SRSF1: variants seen among roughly 807,000 people sequenced by gnomAD.
The protein encoded by SRSF1 is serine and arginine rich splicing factor 1.
In SRSF1, 1 loss-of-function variant was observed where a neutral mutation model predicts 25.9. The ratio of observed to expected loss-of-function variants is 0.04; its 90% CI spans 0.01 to 0.18. The LOEUF (loss-of-function observed/expected upper bound fraction) is 0.18, where lower values mean the gene tolerates loss of function less well. Ranked by LOEUF, SRSF1 falls within the 10% of genes least tolerant of loss-of-function variation. The pLI, the probability that SRSF1 is intolerant of heterozygous loss-of-function variation, is 1.00. For missense variants in SRSF1, 65 were observed against 350.5 expected, an observed-to-expected ratio of 0.19 and a Z score of 6.50; for synonymous variants, 132 against 126.2, an observed-to-expected ratio of 1.05 and a Z score of -0.31.
intron 1 of SRSF1, 53 bp from the exon 2 acceptor site, chr17:58,006,580 GC>G: frequency 6.5e-7 from 1 of 1,536,182 alleles, no homozygotes. Context: ...GGAGAAGCTC[GC>G]TCAGTTGGGA....
At chr17:57,993,470 T>C in the SRSF1 span, 1 of 151,218 alleles carries the variant, frequency 6.6e-6, no homozygotes, top group Non-Finnish European at 1.5e-5. Context: ...CCTGCTGCGC[T>C]GGTTATTAAA....
At chr17:57,998,205 G>C (rs2075372335), downstream of SRSF1, among the ~76,000 whole-genome samples, 1 of 152,100 alleles carries the variant, frequency 6.6e-6, no homozygotes, top group Non-Finnish European at 1.5e-5. Flanking sequence ...GTGAGACCCT[G>C]TGTCAAAAAC....
downstream of SRSF1, among the ~76,000 whole-genome samples, chr17:57,999,027 TAA>T (rs1314194604): frequency 5.9e-5 from 9 of 152,182 alleles, no homozygotes; most frequent in Non-Finnish European, 1.0e-4. Context: ...TGACAGATAC[TAA>T]AAGTGTTAAA....
chr17:57,994,601 T>C, the SRSF1 span: 3 of 152,264 alleles, frequency 2.0e-5, no homozygotes, highest in East Asian at 5.8e-4. Context: ...CACCCAGTAC[T>C]CGATATATCA....
At chr17:57,996,335 T>C (rs781668389), downstream of SRSF1, among the ~76,000 whole-genome samples, 2 of 151,732 alleles carry the variant, frequency 1.3e-5, no homozygotes, top group African/African-American at 4.8e-5. Flanking sequence ...ATACAAAAAA[T>C]TAGCTAGGTG....
chr17:57,998,844 A>G (rs1290870095), downstream of SRSF1, among the ~76,000 whole-genome samples: 4 of 152,226 alleles, frequency 2.6e-5, no homozygotes, highest in African/African-American at 9.6e-5. Flanking sequence ...ATTTTCTAAA[A>G]TTAACATTTT....
In SRSF1 at chr17:58,001,459, C is replaced by A. The variant is rs892549782; in HGVS notation, c.*3947G>T. 3.6e-4 allele frequency among the ~76,000 whole-genome samples: 55 copies of A among 152,250 alleles called. No homozygotes were observed. Among genetic ancestry groups the A allele is most frequent in the African/African-American group, 1.1e-3 (47 of 41,552 alleles). ...TTTAAAAACAAAATTCAGACCCAAACAATCAAGAACCAGAAAATGGGTTTC... is the reference window on the plus strand; with the variant it reads ...TTTAAAAACAAAATTCAGACCCAAAAAATCAAGAACCAGAAAATGGGTTTC... On this transcript the variant is annotated 3_prime_UTR_variant, in exon 4 of 4. Transcript: ENST00000258962.
chr17:57,999,821 T>C (rs1420944422), downstream of SRSF1, among the ~76,000 whole-genome samples: 1 of 152,154 alleles, frequency 6.6e-6, no homozygotes, highest in East Asian at 1.9e-4. Flanking sequence ...TTGGTGGAGA[T>C]GAGTATAGCA....
downstream of SRSF1, among the ~76,000 whole-genome samples, chr17:57,995,937 GTTCA>G (rs2075362869): frequency 2.6e-5 from 4 of 152,050 alleles, no homozygotes; most frequent in South Asian, 8.3e-4. Flanking sequence ...AAGCCCAGGA[GTTCA>G]AAAAGTCTGA....
chr17:58,005,985 ATT>A lies in SRSF1; in HGVS notation c.380-14_380-13del, dbSNP rs753460117. On this transcript the variant is annotated splice_polypyrimidine_tract_variant and intron_variant, in intron 2 of 3. Transcript: ENST00000258962. This position sits in a 1 kb window ranked among gnomAD's most constrained non-coding sequence, Gnocchi z 5.2. ...ACTTGGAGGCAGTCCTGAAAAAGTG[ATT>A]TTTTTTTTCTTAGTACCAATTATCT... The A allele has an allele frequency of 3.8e-6, 6 of 1,567,184 alleles. No individual in the cohort carries two copies. The highest frequency in any genetic ancestry group is 1.4e-5 in the African/African-American group (1 of 73,396).
chr17:58,000,378 G>A (rs151211463), downstream of SRSF1, among the ~76,000 whole-genome samples: 1,323 of 152,278 alleles, frequency 8.7e-3, 13 homozygotes, highest in Middle Eastern at 0.041. Context: ...ATAATGAACA[G>A]ATGTTTCCTG....
At chr17:57,990,306 T>C in the SRSF1 span, 1 of 152,298 alleles carries the variant, frequency 6.6e-6, no homozygotes, top group Admixed American at 6.5e-5. Context: ...AAGCTAAGAT[T>C]CAGAAGAATC....
At chr17:57,998,520 T>C (rs1416052356), downstream of SRSF1, among the ~76,000 whole-genome samples, 1 of 152,204 alleles carries the variant, frequency 6.6e-6, no homozygotes, top group Non-Finnish European at 1.5e-5. Context: ...ACAAGGAGAA[T>C]TCTGAATTTT....
downstream of SRSF1, among the ~76,000 whole-genome samples, chr17:57,999,400 CAG>C (rs567279454): frequency 2.3e-4 from 35 of 152,284 alleles, no homozygotes; most frequent in South Asian, 6.6e-3. Context: ...GAAAAACAAG[CAG>C]ACTTATGTCT....
downstream of SRSF1, among the ~76,000 whole-genome samples, chr17:57,996,338 G>A (rs1347054548): frequency 1.3e-5 from 2 of 152,002 alleles, no homozygotes; most frequent in East Asian, 3.9e-4. Flanking sequence ...CAAAAAATTA[G>A]CTAGGTGTGG....
the SRSF1 span, chr17:57,993,276 G>A: frequency 2.6e-5 from 4 of 152,300 alleles, no homozygotes; most frequent in East Asian, 7.7e-4. Flanking sequence ...TGTAGTCCCA[G>A]CTACTTGGGA....
At chr17:57,990,602 A>G in the SRSF1 span, 1 of 152,206 alleles carries the variant, frequency 6.6e-6, no homozygotes, top group Admixed American at 6.5e-5. Context: ...TCTCTAACCA[A>G]ACAAAAAGGA....
chr17:57,991,691 G>T, the SRSF1 span: 1 of 151,282 alleles, frequency 6.6e-6, no homozygotes, highest in Non-Finnish European at 1.5e-5. Context: ...GAAAGCAGAG[G>T]TTATCTCCTC....
In SRSF1 at chr17:58,005,309, C is replaced by A; in HGVS notation, c.*97G>T. ...ATGCAATTCAACACTTTAGCCCATT[C>A]TGAACAAAACAGTTTGAATTAAAAA... On this transcript the variant is annotated 3_prime_UTR_variant, in exon 4 of 4. Transcript: ENST00000258962. This position sits in a 1 kb window ranked among gnomAD's most constrained non-coding sequence, Gnocchi z 5.2. 1 of 1,372,616 alleles carries A rather than the reference C, an allele frequency of 7.3e-7. No individual in the cohort carries two copies. Among genetic ancestry groups the A allele is most frequent in the South Asian group, 1.3e-5 (1 of 75,166 alleles). The allele number at this position is 1,372,616 out of a possible 1,614,324, so 85.0% of individuals were successfully genotyped here.
Sources: gnomAD v4.1 joint callset for allele counts (sites outside exome capture counted in the v4.1 genomes callset) on GRCh38, gnomAD v4.1.1 for gene constraint, Gnocchi (gnomAD v3.1) non-coding constraint, MANE v1.5 for transcripts, NCBI Gene and HGNC (gene_info 2026-07-23, HGNC 2026-07-21) for gene names.